The following ERBB4 variants were observed in gnomAD, a reference collection of about 807,000 sequenced individuals.
The protein encoded by ERBB4 is receptor tyrosine-protein kinase erbB-4.
Under a neutral mutation model 158.0 loss-of-function variants are expected in ERBB4, and 42 were observed. The ratio of observed to expected loss-of-function variants is 0.27; its 90% confidence interval spans 0.21 to 0.34. The LOEUF (loss-of-function observed/expected upper bound fraction) is 0.34, where lower values mean the gene tolerates loss of function less well. ERBB4 is among the 10% of genes least tolerant of loss of function. The pLI, the probability that ERBB4 is intolerant of heterozygous loss-of-function variation, is 1.00. For synonymous variants in ERBB4, 583 were observed against 558.7 expected (o/e 1.04, Z -0.61); for missense variants, 1,333 against 1,624.1 (o/e 0.82, Z 3.08).
rs12475523 is a variant in ERBB4, at chr2:211,380,559, A to C, written c.*3056T>G. The C allele has an allele frequency of 8.6e-6, 2 of 231,632 alleles. No homozygotes were observed. Among genetic ancestry groups the C allele is most frequent in the Admixed American group, 1.1e-4 (2 of 17,696 alleles). 14.3% of individuals were successfully genotyped at this position (231,632 alleles called of 1,614,324 possible). A position where few individuals can be genotyped will look rare whatever the true frequency, so the allele number is the denominator to read the frequency against. Reference sequence around the variant, plus strand: ...ACATTTTAAAATTCTACCCTACTGGACTAAATAAGTTATTCTCTGGAAGGA... The same window carrying C: ...ACATTTTAAAATTCTACCCTACTGGCCTAAATAAGTTATTCTCTGGAAGGA... On this transcript the variant is annotated 3_prime_UTR_variant, in exon 28 of 28. Coordinates refer to ENST00000342788, the MANE Select transcript of ERBB4 (RefSeq NM_005235.3).
intron 3 of ERBB4, among the ~76,000 whole-genome samples, chr2:211,878,141 G>A (rs1237559335): frequency 6.6e-6 from 1 of 151,948 alleles, no homozygotes; most frequent in Non-Finnish European, 1.5e-5. Flanking sequence ...AAAAAACAAT[G>A]TATCACCGTA....
intron 1 of ERBB4, among the ~76,000 whole-genome samples, chr2:212,386,038 C>T (rs896917482): frequency 6.6e-6 from 1 of 151,818 alleles, no homozygotes; most frequent in African/African-American, 2.4e-5. Flanking sequence ...AGACCAGTCA[C>T]TCTCTCTGTG....
At chr2:212,536,820 C>A (rs1196310261) in intron 1 of ERBB4, among the ~76,000 whole-genome samples, 1 of 152,174 alleles carries the variant, frequency 6.6e-6, no homozygotes, top group Admixed American at 6.5e-5. Flanking sequence ...AAATTCCTCT[C>A]GGCTAAGCCT....
rs543789930 is a variant in ERBB4 at position 212,142,893 on chromosome 2, A to G, written c.83-17990T>C. ...GCTTAAGAACATTTGGCTAAACAGCACTAGTTGCCTATGTAATTGGAAAAT... is the reference window on the plus strand; with the variant it reads ...GCTTAAGAACATTTGGCTAAACAGCGCTAGTTGCCTATGTAATTGGAAAAT... On this transcript the variant is annotated intron_variant, in intron 1 of 27. Coordinates refer to ENST00000342788, the MANE Select transcript of ERBB4 (RefSeq NM_005235.3). Among the ~76,000 whole-genome samples, 21 of 151,900 alleles carry G rather than the reference A, an allele frequency of 1.4e-4. No homozygotes were observed. The East Asian group carries it at 4.1e-3, about 29-fold the overall frequency.
At chr2:211,442,382 GTATC>G (rs1249184292) in intron 20 of ERBB4, among the ~76,000 whole-genome samples, 1 of 83,934 alleles carries the variant, frequency 1.2e-5, no homozygotes, top group Non-Finnish European at 2.4e-5. Flanking sequence ...CTATAGACAG[GTATC>G]TATCCATCCA....
At chr2:211,904,057 A>G (rs2125039403) in intron 3 of ERBB4, among the ~76,000 whole-genome samples, 1 of 152,254 alleles carries the variant, frequency 6.6e-6, no homozygotes, top group Non-Finnish European at 1.5e-5. Flanking sequence ...TTAAAGATAA[A>G]GGAACATCAG....
chr2:212,260,161 G>A (rs2084887148), intron 1 of ERBB4, among the ~76,000 whole-genome samples: 1 of 152,016 alleles, frequency 6.6e-6, no homozygotes, highest in African/African-American at 2.4e-5. Flanking sequence ...CCTTAAAGGA[G>A]ATATGAGAAA....
At chr2:211,401,291 T>C (rs980733006) in intron 25 of ERBB4, among the ~76,000 whole-genome samples, 1 of 152,132 alleles carries the variant, frequency 6.6e-6, no homozygotes, top group African/African-American at 2.4e-5. Flanking sequence ...TTATTATTTT[T>C]GCTTTCTTTA....
chr2:211,713,581 T>G lies in ERBB4; in HGVS notation c.951A>C (p.Glu317Asp). 6.2e-7 allele frequency: 1 copy of G among 1,613,222 alleles called. No homozygotes were observed. ...ACPSSKMEVE[E>D]NGIKMCKPCT... ...AAGGTTTACACATTTTAATCCCATTTTCTTCTACTTCCATCTTGGAACTAG... is the reference window on the plus strand; with the variant it reads ...AAGGTTTACACATTTTAATCCCATTGTCTTCTACTTCCATCTTGGAACTAG... Residue 317 changes from glutamate (E) to aspartate (D), a missense_variant, in exon 8 of 28, where the codon GAA becomes GAC. By Grantham distance (45) the Glu-to-Asp change is conservative. Around this residue, in one of 5 missense-constraint regions of ERBB4, gnomAD observed 438 missense variants for 586.9 expected, o/e 0.75. Transcript: ENST00000342788.
chr2:211,702,886 A>G (rs921711541), intron 11 of ERBB4, among the ~76,000 whole-genome samples: 1 of 152,128 alleles, frequency 6.6e-6, no homozygotes. Flanking sequence ...AAAATCGAGG[A>G]AACTACTTTT....
chr2:211,710,254 G>C (rs2073643954), intron 9 of ERBB4, among the ~76,000 whole-genome samples: 1 of 152,110 alleles, frequency 6.6e-6, no homozygotes, highest in Non-Finnish European at 1.5e-5. Flanking sequence ...TGAAAGGCTT[G>C]AGGCTAATTC....
intron 2 of ERBB4, among the ~76,000 whole-genome samples, chr2:212,106,062 AAGCAACTAAT>A (rs1465519410): frequency 6.6e-6 from 1 of 152,178 alleles, no homozygotes; most frequent in Non-Finnish European, 1.5e-5. Flanking sequence ...GTAGCATGAA[AAGCAACTAAT>A]ACAGTAAACT....
intron 7 of ERBB4, among the ~76,000 whole-genome samples, chr2:211,721,443 C>CAAAAAAAAAA (rs71054136): frequency 0.11 from 5,913 of 54,372 alleles, 1,320 homozygotes; most frequent in African/African-American, 0.13. Flanking sequence ...TTACTCAAAG[C>CAAAAAAAAAA]AAAAAAAAAA....
chr2:211,863,793 T>C (rs1032448939), intron 3 of ERBB4, among the ~76,000 whole-genome samples: 3 of 152,112 alleles, frequency 2.0e-5, no homozygotes, highest in Admixed American at 1.3e-4. Flanking sequence ...AAGGAAAAAA[T>C]TCCAGACACA....
chr2:211,797,023 A>G (rs59267808), intron 3 of ERBB4, among the ~76,000 whole-genome samples: 2,670 of 152,038 alleles, frequency 0.018, 93 homozygotes, highest in African/African-American at 0.062. Context: ...GTAGGTGATT[A>G]TCTCTCTGAT....
intron 4 of ERBB4, among the ~76,000 whole-genome samples, chr2:211,775,855 G>T (rs1029199960): frequency 1.1e-4 from 17 of 152,158 alleles, no homozygotes; most frequent in African/African-American, 3.9e-4. Context: ...CCACCTCACG[G>T]GTTACACCTT....
At chr2:211,966,817 A>G (rs1016223600) in intron 2 of ERBB4, among the ~76,000 whole-genome samples, 1 of 152,126 alleles carries the variant, frequency 6.6e-6, no homozygotes, top group African/African-American at 2.4e-5. Context: ...ATTATAGAAA[A>G]GACAGATCAA....
chr2:211,810,720 C>T (rs537363003), intron 3 of ERBB4, among the ~76,000 whole-genome samples: 158 of 133,656 alleles, frequency 1.2e-3, no homozygotes, highest in African/African-American at 4.0e-3. Flanking sequence ...GGTGGGACTG[C>T]GGACTGCAGT....
chr2:211,515,660 G>A (rs12995550), intron 20 of ERBB4, among the ~76,000 whole-genome samples: 18,992 of 150,936 alleles, frequency 0.13, 1,409 homozygotes, highest in Non-Finnish European at 0.17. Context: ...CTCTGCTATC[G>A]TGCAAGGGTA....
Sources: gnomAD v4.1 joint callset for allele counts (sites outside exome capture counted in the v4.1 genomes callset) on GRCh38, gnomAD v4.1.1 for gene constraint, gnomAD v4.1.1 regional missense constraint, MANE v1.5 for transcripts, NCBI Gene and HGNC (gene_info 2026-07-23, HGNC 2026-07-21) for gene names.